DLGAP5: variants seen among roughly 807,000 people sequenced by gnomAD.
The protein encoded by DLGAP5 is disks large-associated protein 5.
In DLGAP5, 90 loss-of-function variants were observed where a neutral mutation model predicts 99.6. That is an observed-to-expected ratio of 0.90 (90% CI 0.76 to 1.08). The LOEUF (loss-of-function observed/expected upper bound fraction) is 1.08, where lower values mean the gene tolerates loss of function less well. Ranked by LOEUF, DLGAP5 falls within the 50% of genes least tolerant of loss-of-function variation. The pLI is 0.00. For synonymous variants in DLGAP5, 311 were observed against 321.3 expected, an observed-to-expected ratio of 0.97 and a Z score of 0.34; for missense variants, 1,036 against 983.5, an observed-to-expected ratio of 1.05 and a Z score of -0.71.
intron 8 of DLGAP5, 86 bp downstream of exon 8, chr14:55,176,976 G>GGAA: frequency 5.9e-5 from 15 of 252,488 alleles, no homozygotes; most frequent in South Asian, 3.5e-4. Context: ...AACTCCGTCT[G>GGAA]AAAAAAAAAA....
chr14:55,163,103 T>C (rs1882505679), intron 12 of DLGAP5, 28 bp from the exon 13 acceptor site: 3 of 1,414,634 alleles, frequency 2.1e-6, no homozygotes, highest in Non-Finnish European at 2.9e-6. Flanking sequence ...GTTTACCAGA[T>C]TAATGCTAGC....
At chr14:55,161,874 C>CAAAA (rs34002442) in intron 13 of DLGAP5, among the ~76,000 whole-genome samples, 5 of 37,958 alleles carry the variant, frequency 1.3e-4, no homozygotes, top group African/African-American at 3.2e-4. Flanking sequence ...AACTCTGTCT[C>CAAAA]AAAAAAAAAA....
rs775135695 is a variant in DLGAP5, at chr14:55,148,561, TAAC to T, written c.2419-91_2419-89del. 12 of 1,601,136 alleles carry T rather than the reference TAAC, an allele frequency of 7.5e-6. No homozygotes were observed. In the African/African-American group the frequency reaches 1.5e-4, roughly 20 times the overall value. ...CAACATTCTATAGTGGATTAATTAA[TAAC>T]AAAAATAAACCGGGTGCGGTGGTGC... On this transcript the variant is annotated intron_variant, in intron 18 of 18. Transcript: ENST00000247191.
chr14:55,175,195 A>G (rs569444347), intron 10 of DLGAP5, 151 bp downstream of exon 10: 7 of 629,632 alleles, frequency 1.1e-5, no homozygotes, highest in African/African-American at 7.7e-5. Flanking sequence ...ACATGAATGT[A>G]CTAGTTATCA....
chr14:55,159,214 G>A (rs530822513), intron 13 of DLGAP5, among the ~76,000 whole-genome samples: 1 of 152,276 alleles, frequency 6.6e-6, no homozygotes, highest in South Asian at 2.1e-4. Flanking sequence ...GATGGGGTGA[G>A]GCAAGTGCTA....
intron 14 of DLGAP5, among the ~76,000 whole-genome samples, chr14:55,156,100 A>G (rs1480011737): frequency 6.6e-6 from 1 of 152,054 alleles, no homozygotes. Flanking sequence ...CAAAAAAAAA[A>G]AAGAAAGAAA....
intron 7 of DLGAP5, among the ~76,000 whole-genome samples, chr14:55,178,044 A>AG (rs1804329753): frequency 2.0e-5 from 3 of 149,574 alleles, no homozygotes; most frequent in Non-Finnish European, 3.0e-5. Context: ...CAAGGTCGGG[A>AG]GATCGAGACC....
intron 15 of DLGAP5, 82 bp from the exon 16 acceptor site, chr14:55,152,729 T>A: frequency 8.4e-7 from 1 of 1,191,098 alleles, no homozygotes; most frequent in Non-Finnish European, 1.1e-6. Flanking sequence ...CCTTTAATGA[T>A]GGCAATTAGT....
chr14:55,190,289 T>TATACAC (rs1555330252), intron 1 of DLGAP5, among the ~76,000 whole-genome samples: 1 of 147,304 alleles, frequency 6.8e-6, no homozygotes, highest in African/African-American at 2.5e-5. Flanking sequence ...AGAAAAGCCA[T>TATACAC]ACACACACAC....
At chr14:55,188,780 A>T (rs537276531) in intron 2 of DLGAP5, among the ~76,000 whole-genome samples, 162 bp downstream of exon 2, 1,368 of 46,856 alleles carry the variant, frequency 0.029, 16 homozygotes, top group African/African-American at 0.11. Flanking sequence ...CTTGTAATTT[A>T]AAAAAAAAAA....
At chr14:55,151,562 G>C (rs780844828) in intron 17 of DLGAP5, 133 bp downstream of exon 17, 168 of 986,998 alleles carry the variant, frequency 1.7e-4, no homozygotes, top group Non-Finnish European at 2.3e-4. Flanking sequence ...TTCTAATTCA[G>C]GGTCTTCACT....
chr14:55,186,311 A>G (rs1040006026), intron 2 of DLGAP5, among the ~76,000 whole-genome samples: 25 of 152,310 alleles, frequency 1.6e-4, no homozygotes, highest in African/African-American at 6.0e-4. Flanking sequence ...ATTTCCTTTC[A>G]TAGCCACGAT....
chr14:55,157,054 A>G (rs1370781914), intron 14 of DLGAP5, among the ~76,000 whole-genome samples: 2 of 152,242 alleles, frequency 1.3e-5, no homozygotes, highest in African/African-American at 4.8e-5. Context: ...GTAAGACTCC[A>G]GTAAGTCCAA....
Position 55,162,239 on chromosome 14 carries a change from G to A in DLGAP5, c.1653+732C>T, listed in dbSNP as rs149942300. Among the ~76,000 whole-genome samples, 61 of 152,232 alleles carry A rather than the reference G, an allele frequency of 4.0e-4. 2 individuals are homozygous for A. In the East Asian group the frequency reaches 0.011, roughly 28 times the overall value. On this transcript the variant is annotated intron_variant, in intron 13 of 18. Transcript: ENST00000247191. ...AAGGATTAATATATATAAAGTAATT[G>A]GAATAATATTTGACACATACTAAGC...
At chr14:55,175,799 C>A in intron 9 of DLGAP5, 95 bp downstream of exon 9, 3 of 1,111,678 alleles carry the variant, frequency 2.7e-6, no homozygotes, top group South Asian at 2.0e-5. Context: ...AGTAATAATC[C>A]AGAAAAGTAA....
chr14:55,179,832 T>TA (rs1442716487), intron 6 of DLGAP5, 133 bp from the exon 7 acceptor site: 1 of 671,524 alleles, frequency 1.5e-6, no homozygotes, highest in Admixed American at 3.3e-5. Context: ...AGCCATATTA[T>TA]AAAAAGGGTT....
At chr14:55,188,017 A>G (rs1368470966) in intron 2 of DLGAP5, among the ~76,000 whole-genome samples, 1 of 152,238 alleles carries the variant, frequency 6.6e-6, no homozygotes, top group Non-Finnish European at 1.5e-5. Context: ...TTTTAATAGC[A>G]TACTGAGATA....
At chr14:55,168,937 GA>G (rs1042505308) in intron 12 of DLGAP5, among the ~76,000 whole-genome samples, 3 of 152,128 alleles carry the variant, frequency 2.0e-5, no homozygotes, top group Non-Finnish European at 4.4e-5. Context: ...AGCACTTTGG[GA>G]GGCCGAGGTG....
At chr14:55,162,931 CT>C in intron 13 of DLGAP5, 39 bp downstream of exon 13, 1 of 1,040,980 alleles carries the variant, frequency 9.6e-7, no homozygotes. Flanking sequence ...AGTTCCTTAA[CT>C]AAAAAAAAAA....
Sources: gnomAD v4.1 joint callset for allele counts (sites outside exome capture counted in the v4.1 genomes callset) on GRCh38, gnomAD v4.1.1 for gene constraint, MANE v1.5 for transcripts, NCBI Gene and HGNC (gene_info 2026-07-23, HGNC 2026-07-21) for gene names.